The following HADH variants were observed in gnomAD, a reference collection of about 807,000 sequenced individuals.
HADH encodes the protein hydroxyacyl-coenzyme A dehydrogenase, mitochondrial.
Under a neutral mutation model 32.2 loss-of-function variants are expected in HADH, and 24 were observed. That is an observed-to-expected ratio of 0.75 (90% CI 0.54 to 1.05). The LOEUF is 1.05. HADH is among the 50% of genes least tolerant of loss of function. The pLI is 0.00. For missense variants in HADH, 350 were observed against 397.1 expected (o/e 0.88, Z 1.01); for synonymous variants, 139 against 152.5 (o/e 0.91, Z 0.65).
Position 108,023,566 on chromosome 4 carries a change from A to G in HADH, c.636+3A>G, listed in dbSNP as rs1401944104. 6.5e-7 allele frequency: 1 copy of G among 1,537,606 alleles called. No homozygotes were observed. Among genetic ancestry groups the G allele is most frequent in the Admixed American group, 1.7e-5 (1 of 59,942 alleles). On this transcript the variant is annotated splice_donor_region_variant and intron_variant, in intron 5 of 7. Transcript: ENST00000309522. The stretch of plus-strand genomic sequence containing the variant: ...GAAAGCATCCTGTTTCTTGCAAGGT[A>G]AGAGTATGGGTAGCTTGGGAAGGAG...
chr4:108,005,153 T>G (rs899786058), intron 1 of HADH: 76 of 324,094 alleles, frequency 2.3e-4, no homozygotes, highest in Admixed American at 2.3e-4. Flanking sequence ...CCATTGTTTT[T>G]CAAACTAGGG....
chr4:108,014,478 C>A lies in HADH; in HGVS notation c.309C>A (p.Ser103Arg), dbSNP rs1416395797. The A allele has an allele frequency of 1.2e-6, 2 of 1,614,014 alleles. No homozygotes were observed. Among genetic ancestry groups the A allele is most frequent in the Non-Finnish European group, 1.7e-6 (2 of 1,179,894 alleles). The change falls in exon 3 of 8, where the codon AGC (serine) becomes AGA (arginine). Residue 103 changes from serine (S) to arginine (R), a missense_variant. By Grantham distance (110) the Ser-to-Arg change is moderately radical. Transcript: ENST00000309522. ...AGACCCTGAGCACCATAGCGACCAG[C>A]ACGGATGCAGCCTCCGTTGTCCACA... ...VEKTLSTIAT[S>R]TDAASVVHST...
Position 108,033,064 on chromosome 4 carries a change from A to AT in HADH, c.710-104dup, listed in dbSNP as rs962855687. 2.8e-5 allele frequency: 22 copies of AT among 776,178 alleles called. 1 individual carries two copies. The highest frequency in any genetic ancestry group is 4.5e-5 in the Non-Finnish European group (19 of 418,202). The allele number at this position is 776,178 out of a possible 1,614,324, so 48.1% of individuals were successfully genotyped here. A position where few individuals can be genotyped will look rare whatever the true frequency, so the allele number is the denominator to read the frequency against. The stretch of plus-strand genomic sequence containing the variant: ...CAAGCCAGAAAGTCTCAGTCTAGGC[A>AT]TTTTTTTTATTGTGCAAGCATATAA... On this transcript the variant is annotated intron_variant, in intron 6 of 7. Transcript: ENST00000309522.
intron 1 of HADH, chr4:108,004,839 T>C (rs1337468975): frequency 2.6e-6 from 4 of 1,535,816 alleles, no homozygotes; most frequent in Non-Finnish European, 3.5e-6. Context: ...GGAAGGAACA[T>C]GACCCTGCGG....
intron 4 of HADH, 28 bp from the exon 5 acceptor site, chr4:108,023,446 G>T: frequency 7.1e-7 from 1 of 1,398,866 alleles, no homozygotes; most frequent in Admixed American, 1.7e-5. Context: ...TGACACTCTG[G>T]TCATAATTCT....
chr4:108,022,945 C>T (rs7664031), intron 4 of HADH, among the ~76,000 whole-genome samples: 114,233 of 151,318 alleles, frequency 0.75, 45,676 homozygotes, highest in East Asian at 0.96. Context: ...TACACACATA[C>T]ACTTGTATTT....
intron 5 of HADH, 50 bp downstream of exon 5, chr4:108,023,613 C>T (rs775985906): frequency 9.9e-7 from 1 of 1,013,970 alleles, no homozygotes; most frequent in Non-Finnish European, 1.6e-6. Flanking sequence ...CTTCTTGGAC[C>T]CTGACTTGTT....
chr4:107,989,941 CG>C lies in HADH; in HGVS notation c.10del (p.Val4SerfsTer22). 1 of 1,612,766 alleles carries C rather than the reference CG, an allele frequency of 6.2e-7. No individual in the cohort carries two copies. Among genetic ancestry groups the C allele is most frequent in the African/African-American group, 1.3e-5 (1 of 75,032 alleles). Reference protein sequence around the residue: MAFVTRQFMRSVSS... With the variant: MAFXTRQFMRSVSS... ...GCCGCCGCTGCCACACCATGGCCTTCGTCACCAGGCAGTTCATGCGTTCCGT... is the reference window on the plus strand; with the variant it reads ...GCCGCCGCTGCCACACCATGGCCTTCTCACCAGGCAGTTCATGCGTTCCGT... On this transcript the variant is annotated frameshift_variant, in exon 1 of 8. Coordinates refer to ENST00000309522, the MANE Select transcript of HADH (RefSeq NM_005327.7). LOFTEE classifies it high-confidence loss of function.
chr4:108,014,393 G>GCC, intron 2 of HADH, 38 bp from the exon 3 acceptor site: 1 of 1,613,176 alleles, frequency 6.2e-7, no homozygotes, highest in East Asian at 2.2e-5. Flanking sequence ...TTTCCAGTGA[G>GCC]CCCGGTGAAT....
In HADH at chr4:108,034,301, G is replaced by A. The variant is rs376876153; in HGVS notation, c.889G>A (p.Val297Ile). ...GCCCAGCCCATCCTTAAATAAGCTG[G>A]TAGCAGAGAACAAGTTCGGCAAGAA... ...HQPSPSLNKL[V>I]AENKFGKKTG... The change falls in exon 8 of 8, where the codon GTA (valine) becomes ATA (isoleucine). Residue 297 changes from valine (V) to isoleucine (I), a missense_variant. Physicochemically the swap from Val to Ile is conservative, Grantham distance 29 (BLOSUM62 3). Coordinates refer to ENST00000309522, the MANE Select transcript of HADH (RefSeq NM_005327.7). 182 of 1,613,634 alleles carry A rather than the reference G, an allele frequency of 1.1e-4. No homozygotes were observed. Among genetic ancestry groups the A allele is most frequent in the Non-Finnish European group, 1.4e-4 (165 of 1,179,630 alleles).
chr4:108,027,000 A>G (rs1736089403), intron 5 of HADH: 1 of 156,064 alleles, frequency 6.4e-6, no homozygotes, highest in African/African-American at 2.4e-5. Flanking sequence ...CGCAGGATGC[A>G]GAGGTCTTAG....
chr4:107,994,263 A>G (rs1368778501), intron 1 of HADH, among the ~76,000 whole-genome samples: 1 of 151,970 alleles, frequency 6.6e-6, no homozygotes, highest in Non-Finnish European at 1.5e-5. Context: ...TTTAAAAAGC[A>G]GAAAGTGCAT....
chr4:107,997,213 A>C (rs7375325), intron 1 of HADH, among the ~76,000 whole-genome samples: 1 of 152,114 alleles, frequency 6.6e-6, no homozygotes, highest in African/African-American at 2.4e-5. Flanking sequence ...TGGGGATCTG[A>C]AGAAAGTCAG....
intron 1 of HADH, among the ~76,000 whole-genome samples, chr4:108,001,310 G>A (rs560373564): frequency 2.0e-5 from 3 of 152,292 alleles, no homozygotes; most frequent in African/African-American, 7.2e-5. Context: ...AGGCACAGTT[G>A]GAAGTATGAG....
In HADH at chr4:108,019,580, A is replaced by G. The variant is rs745784046; in HGVS notation, c.460A>G (p.Thr154Ala). The G allele has an allele frequency of 6.2e-7, 1 of 1,613,834 alleles. No homozygotes were observed. Among genetic ancestry groups the G allele is most frequent in the Admixed American group, 1.7e-5 (1 of 60,026 alleles). The change falls in exon 4 of 8, where the codon ACA becomes GCA. Residue 154 changes from threonine to alanine, a missense_variant. Transcript: ENST00000309522. ...CAGCAACACTTCCTCCTTGCAGATT[A>G]CAAGCATAGCTAATGCCACCACCAG... ...FASNTSSLQI[T>A]SIANATTRQD...
At chr4:108,020,063 A>G (rs1735832015) in intron 4 of HADH, among the ~76,000 whole-genome samples, 2 of 152,212 alleles carry the variant, frequency 1.3e-5, no homozygotes, top group South Asian at 2.1e-4. Flanking sequence ...CTCATTAGAT[A>G]CACTATACTA....
At chr4:108,032,654 C>A in intron 6 of HADH, 1 of 378,272 alleles carries the variant, frequency 2.6e-6, no homozygotes, top group Non-Finnish European at 4.9e-6. Context: ...AACAGGGTAT[C>A]AGTACTCCAA....
chr4:108,003,074 A>G (rs1451455597), intron 1 of HADH, among the ~76,000 whole-genome samples: 1 of 148,810 alleles, frequency 6.7e-6, no homozygotes, highest in African/African-American at 2.5e-5. Flanking sequence ...AAAGTCACAC[A>G]GTGAGTGAGT....
rs148199172 is a variant in HADH, at chr4:108,010,022, C to T, written c.261+135C>T. 3.5e-3 allele frequency: 2,239 copies of T among 631,278 alleles called. 38 individuals are homozygous for T. In the African/African-American group the frequency reaches 0.047, roughly 13 times the overall value. The allele number at this position is 631,278 out of a possible 1,614,324, so 39.1% of individuals were successfully genotyped here. On this transcript the variant is annotated intron_variant, in intron 2 of 7. Transcript: ENST00000309522. ...GTTTGTTAGTGTAAAACTCATTTTT[C>T]CATAACTTTAAACCAATATAATAAC...
Sources: allele counts gnomAD v4.1 joint callset (sites outside exome capture counted in the v4.1 genomes callset), GRCh38; gene constraint gnomAD v4.1.1; transcripts MANE v1.5; gene names NCBI Gene and HGNC (gene_info 2026-07-23, HGNC 2026-07-21).